IGFL2: variants seen among roughly 807,000 people sequenced by gnomAD.
The protein encoded by IGFL2 is insulin growth factor-like family member 2.
A neutral mutation model predicts 13.9 loss-of-function variants in IGFL2; 7 were observed. That is an observed-to-expected ratio of 0.51 (90% CI 0.29 to 0.95). IGFL2 has a LOEUF of 0.95. Among genes scored for constraint, IGFL2 ranks in the 40% least tolerant of loss-of-function variants. The probability of loss-of-function intolerance (pLI) is 0.08; values close to 1 mark genes in which losing one functional copy is unlikely to be tolerated. For missense variants in IGFL2, 138 were observed against 147.8 expected, an observed-to-expected ratio of 0.93 and a Z score of 0.34; for synonymous variants, 55 against 55.8, an observed-to-expected ratio of 0.99 and a Z score of 0.07.
At chr19:46,164,474 A>G (rs931179567), downstream of IGFL2, 3 of 152,334 alleles carry the variant, frequency 2.0e-5, no homozygotes, top group Non-Finnish European at 4.4e-5. Context: ...CATCCCAGGG[A>G]GAATTCAAAC....
chr19:46,210,457 T>TTA, the IGFL2 span, among the ~76,000 whole-genome samples: 10 of 151,748 alleles, frequency 6.6e-5, no homozygotes, highest in East Asian at 3.9e-4. Flanking sequence ...GGGACACAAT[T>TTA]TATATATATA....
At chr19:46,139,220 G>A (rs988678859), upstream of IGFL2, among the ~76,000 whole-genome samples, 1 of 151,296 alleles carries the variant, frequency 6.6e-6, no homozygotes, top group African/African-American at 2.4e-5. Context: ...CACTCTCAAT[G>A]CCTTCCTTTC....
chr19:46,091,586 T>C, the IGFL2 span, among the ~76,000 whole-genome samples: 1 of 152,224 alleles, frequency 6.6e-6, no homozygotes, highest in African/African-American at 2.4e-5. Flanking sequence ...TATAATATGT[T>C]TTGTAAGAAA....
At chr19:46,124,566 G>T in the IGFL2 span, 20 of 1,491,658 alleles carry the variant, frequency 1.3e-5, no homozygotes, top group Admixed American at 1.7e-5. Flanking sequence ...TCGGGTTGAG[G>T]TTTGGGAGCT....
the IGFL2 span, chr19:46,123,915 G>C: frequency 2.7e-5 from 44 of 1,611,110 alleles, 2 homozygotes; most frequent in Non-Finnish European, 3.6e-5. Context: ...TGGGAGATAA[G>C]TGACACTGAG....
At chr19:46,179,297 GAGGC>G in the IGFL2 span, among the ~76,000 whole-genome samples, 1 of 150,844 alleles carries the variant, frequency 6.6e-6, no homozygotes, top group Non-Finnish European at 1.5e-5. Context: ...GGGTCTGTGA[GAGGC>G]AGGGCTGCAG....
the IGFL2 span, among the ~76,000 whole-genome samples, chr19:46,106,983 G>A: frequency 1.3e-5 from 2 of 152,242 alleles, no homozygotes; most frequent in East Asian, 3.9e-4. Context: ...TGTAGCCCAG[G>A]AATAGTCAGG....
chr19:46,172,512 C>T, the IGFL2 span, among the ~76,000 whole-genome samples: 126 of 152,152 alleles, frequency 8.3e-4, 2 homozygotes, highest in Middle Eastern at 0.017. Context: ...AGGTGGAGTT[C>T]TGTTACGTTC....
the IGFL2 span, among the ~76,000 whole-genome samples, chr19:46,104,930 T>C: frequency 2.0e-5 from 3 of 152,038 alleles, no homozygotes; most frequent in South Asian, 6.2e-4. Context: ...GAGAGGAGAT[T>C]GATAGGTGGA....
the IGFL2 span, chr19:46,207,714 G>A: frequency 6.6e-6 from 1 of 152,168 alleles, no homozygotes; most frequent in Non-Finnish European, 1.5e-5. Flanking sequence ...AACTCAGCTG[G>A]TGTGATCTGA....
At chr19:46,093,216 G>T in the IGFL2 span, among the ~76,000 whole-genome samples, 1 of 152,034 alleles carries the variant, frequency 6.6e-6, no homozygotes, top group Non-Finnish European at 1.5e-5. Context: ...TTGCCTTTAT[G>T]ATTATGAAAA....
chr19:46,138,017 G>A, the IGFL2 span, among the ~76,000 whole-genome samples: 4 of 152,146 alleles, frequency 2.6e-5, no homozygotes, highest in Admixed American at 6.5e-5. Context: ...AATTCTGTCT[G>A]TTATTTCAGC....
At chr19:46,093,506 C>CTT in the IGFL2 span, among the ~76,000 whole-genome samples, 1 of 152,152 alleles carries the variant, frequency 6.6e-6, no homozygotes, top group African/African-American at 2.4e-5. Context: ...GCAAGGGAGT[C>CTT]TATTTTCACT....
At chr19:46,154,639 C>T (rs565483308) in intron 1 of IGFL2, among the ~76,000 whole-genome samples, 2 of 151,830 alleles carry the variant, frequency 1.3e-5, no homozygotes, top group South Asian at 2.1e-4. Context: ...TTAGTAGAGA[C>T]GGGGTTTCAC....
the IGFL2 span, among the ~76,000 whole-genome samples, chr19:46,119,253 G>A: frequency 6.6e-6 from 1 of 152,152 alleles, no homozygotes; most frequent in African/African-American, 2.4e-5. Flanking sequence ...ACAAGTGACT[G>A]TGGGACTGGG....
At chr19:46,079,567 C>T in the IGFL2 span, among the ~76,000 whole-genome samples, 2 of 152,288 alleles carry the variant, frequency 1.3e-5, no homozygotes, top group Non-Finnish European at 2.9e-5. Flanking sequence ...AGCCAGCCAC[C>T]CGAGTTTCCA....
At chr19:46,204,396 C>T in the IGFL2 span, among the ~76,000 whole-genome samples, 2 of 152,172 alleles carry the variant, frequency 1.3e-5, no homozygotes, top group African/African-American at 4.8e-5. Flanking sequence ...AGGGGCCCCT[C>T]ATGCCAGGGT....
downstream of IGFL2, among the ~76,000 whole-genome samples, chr19:46,163,726 A>G (rs1249495067): frequency 2.0e-5 from 3 of 152,008 alleles, no homozygotes; most frequent in Non-Finnish European, 4.4e-5. Context: ...CTGGAGGCCT[A>G]GGCTTGGAGA....
chr19:46,169,496 A>G, the IGFL2 span, among the ~76,000 whole-genome samples: 1 of 152,220 alleles, frequency 6.6e-6, no homozygotes, highest in Non-Finnish European at 1.5e-5. Context: ...ATAAATAAAT[A>G]AATCTGTATT....
Sources: allele counts gnomAD v4.1 joint callset (sites outside exome capture counted in the v4.1 genomes callset), GRCh38; gene constraint gnomAD v4.1.1; transcripts MANE v1.5; gene names NCBI Gene and HGNC (gene_info 2026-07-23, HGNC 2026-07-21).